Variants in PDE1C observed in about 807,000 individuals in gnomAD.
PDE1C encodes dual specificity calcium/calmodulin-dependent 3',5'-cyclic nucleotide phosphodiesterase 1C.
A neutral mutation model predicts 93.1 loss-of-function variants in PDE1C; 62 were observed. That is an observed-to-expected ratio of 0.67 (90% CI 0.54 to 0.82). The LOEUF is 0.82. PDE1C is among the 40% of genes least tolerant of loss of function. PDE1C has a pLI of 0.00. For synonymous variants in PDE1C, 325 were observed against 310.1 expected (o/e 1.05, Z -0.50); for missense variants, 742 against 884.6 (o/e 0.84, Z 2.04).
At chr7:32,260,128 T>C (rs1810094140) in intron 1 of PDE1C, among the ~76,000 whole-genome samples, 1 of 152,116 alleles carries the variant, frequency 6.6e-6, no homozygotes, top group Non-Finnish European at 1.5e-5. Context: ...GAGACTTCAG[T>C]GTTTAGGGTT....
At chr7:31,821,367 C>A (rs1176521828) in intron 14 of PDE1C, among the ~76,000 whole-genome samples, 6 of 152,132 alleles carry the variant, frequency 3.9e-5, no homozygotes, top group African/African-American at 1.2e-4. Context: ...AATGCTTCCC[C>A]AGGTGATTAG....
At chr7:32,106,160 G>A (rs546887322) in intron 3 of PDE1C, among the ~76,000 whole-genome samples, 19 of 152,144 alleles carry the variant, frequency 1.2e-4, no homozygotes, top group South Asian at 2.1e-4. Context: ...TTGCAAGCTC[G>A]TGCCACCATA....
intron 2 of PDE1C, among the ~76,000 whole-genome samples, chr7:32,001,671 A>T (rs892237867): frequency 1.3e-5 from 2 of 152,194 alleles, no homozygotes; most frequent in Non-Finnish European, 2.9e-5. Flanking sequence ...CAGATGACGA[A>T]AAAGGTGTCA....
At chr7:31,840,286 T>C (rs1219140979) in intron 9 of PDE1C, among the ~76,000 whole-genome samples, 1 of 152,182 alleles carries the variant, frequency 6.6e-6, no homozygotes, top group Non-Finnish European at 1.5e-5. Flanking sequence ...GGGAAATGTC[T>C]GTTTCAAACC....
intron 1 of PDE1C, among the ~76,000 whole-genome samples, chr7:32,285,843 A>C (rs930330453): frequency 1.1e-4 from 16 of 151,240 alleles, no homozygotes; most frequent in African/African-American, 3.9e-4. Context: ...GAAGGGAGGG[A>C]AAGATAAAAC....
At chr7:31,980,982 C>A (rs1054052207) in intron 2 of PDE1C, among the ~76,000 whole-genome samples, 1 of 152,148 alleles carries the variant, frequency 6.6e-6, no homozygotes, top group Admixed American at 6.5e-5. Context: ...CTCAATCACA[C>A]ATGCAAAGTC....
upstream of PDE1C, among the ~76,000 whole-genome samples, chr7:32,074,687 CATAGTGAAGGTG>C (rs1278212734): frequency 6.6e-6 from 1 of 152,090 alleles, no homozygotes; most frequent in Non-Finnish European, 1.5e-5. Context: ...AGGAAGGCTT[CATAGTGAAGGTG>C]ACATTTGAAC....
At chr7:31,992,241 T>C (rs772123331) in intron 2 of PDE1C, among the ~76,000 whole-genome samples, 1 of 152,198 alleles carries the variant, frequency 6.6e-6, no homozygotes, top group Non-Finnish European at 1.5e-5. Context: ...AAAACACACA[T>C]GGCTCCAGCT....
intron 2 of PDE1C, among the ~76,000 whole-genome samples, chr7:31,993,302 G>A (rs1212915534): frequency 6.6e-6 from 1 of 152,122 alleles, no homozygotes; most frequent in East Asian, 1.9e-4. Flanking sequence ...TAACATTTGA[G>A]TAGGTTGGCT....
the PDE1C span, among the ~76,000 whole-genome samples, chr7:31,702,256 G>C: frequency 1.3e-5 from 2 of 151,188 alleles, no homozygotes; most frequent in African/African-American, 4.9e-5. Context: ...AATAAGACAA[G>C]AAGAAAATAG....
At chr7:31,733,442 G>T in the PDE1C span, among the ~76,000 whole-genome samples, 1 of 152,136 alleles carries the variant, frequency 6.6e-6, no homozygotes, top group African/African-American at 2.4e-5. Flanking sequence ...TATCTCATAG[G>T]CAGAGAACAG....
At chr7:31,628,325 A>C in the PDE1C span, among the ~76,000 whole-genome samples, 9 of 152,250 alleles carry the variant, frequency 5.9e-5, no homozygotes, top group Middle Eastern at 3.4e-3. Flanking sequence ...GCAAGGAAGG[A>C]CAAATAGAGA....
intron 2 of PDE1C, among the ~76,000 whole-genome samples, chr7:31,954,696 G>A (rs1489165123): frequency 2.0e-5 from 3 of 152,124 alleles, no homozygotes; most frequent in Non-Finnish European, 4.4e-5. Flanking sequence ...ACCACCATAG[G>A]TTGGTGCAAA....
chr7:31,870,859 T>C (rs961480075), intron 6 of PDE1C, among the ~76,000 whole-genome samples: 11 of 151,984 alleles, frequency 7.2e-5, no homozygotes, highest in Admixed American at 2.0e-4. Flanking sequence ...ATTCAAAATA[T>C]GTTACAAGGC....
chr7:32,426,052 T>C (rs1267210924), intron 1 of PDE1C, among the ~76,000 whole-genome samples: 1 of 152,158 alleles, frequency 6.6e-6, no homozygotes, highest in Non-Finnish European at 1.5e-5. Flanking sequence ...ACAAAAAATA[T>C]ATATATTAAT....
intron 16 of PDE1C, among the ~76,000 whole-genome samples, chr7:31,793,894 G>A (rs867347145): frequency 6.6e-6 from 1 of 151,792 alleles, no homozygotes; most frequent in African/African-American, 2.4e-5. Flanking sequence ...TAATATCCAT[G>A]CTACAGCACT....
At chr7:31,791,148 G>A (rs764796663) in intron 16 of PDE1C, among the ~76,000 whole-genome samples, 2 of 152,116 alleles carry the variant, frequency 1.3e-5, no homozygotes, top group Non-Finnish European at 2.9e-5. Flanking sequence ...TAAGATTTAG[G>A]TGAATTTAGC....
chr7:32,085,218 C>T (rs1796993662), intron 3 of PDE1C, among the ~76,000 whole-genome samples: 1 of 151,090 alleles, frequency 6.6e-6, no homozygotes, highest in Non-Finnish European at 1.5e-5. Flanking sequence ...GAGAATACTA[C>T]AAACAACTCT....
intron 3 of PDE1C, among the ~76,000 whole-genome samples, chr7:31,880,287 G>A (rs190005452): frequency 4.6e-5 from 7 of 152,144 alleles, no homozygotes; most frequent in Admixed American, 1.3e-4. Context: ...GTAAATCAGC[G>A]ACATACGTAA....
Sources: gnomAD v4.1 joint callset for allele counts (sites outside exome capture counted in the v4.1 genomes callset) on GRCh38, gnomAD v4.1.1 for gene constraint, MANE v1.5 for transcripts, NCBI Gene and HGNC (gene_info 2026-07-23, HGNC 2026-07-21) for gene names.